ANKS1B: variants seen among roughly 807,000 people sequenced by gnomAD.
ANKS1B encodes ankyrin repeat and sterile alpha motif domain-containing protein 1B.
A neutral mutation model predicts 148.3 loss-of-function variants in ANKS1B; 36 were observed. That is an observed-to-expected ratio of 0.24 (90% confidence interval 0.19 to 0.32). The LOEUF (loss-of-function observed/expected upper bound fraction) is 0.32. Ranked by LOEUF, ANKS1B falls within the 10% of genes least tolerant of loss-of-function variation. The pLI, the probability that ANKS1B is intolerant of heterozygous loss-of-function variation, is 1.00. For synonymous variants in ANKS1B, 542 were observed against 560.8 expected, an observed-to-expected ratio of 0.97 and a Z score of 0.47; for missense variants, 1,157 against 1,542.6, an observed-to-expected ratio of 0.75 and a Z score of 4.19.
chr12:99,968,732 G>A (rs1379731871), intron 1 of ANKS1B, among the ~76,000 whole-genome samples: 1 of 152,178 alleles, frequency 6.6e-6, no homozygotes, highest in African/African-American at 2.4e-5. Flanking sequence ...GGGTCTGGTG[G>A]GAGGTGCTTG....
chr12:98,855,138 C>T (rs1482324032), intron 17 of ANKS1B, among the ~76,000 whole-genome samples: 2 of 149,824 alleles, frequency 1.3e-5, no homozygotes, highest in Non-Finnish European at 2.9e-5. Context: ...CGCAGTCCGA[C>T]CTGGGCGACA....
chr12:99,780,118 TACACACACACATGCGC>T, intron 5 of ANKS1B, 146 bp from the exon 6 acceptor site: 2 of 614,820 alleles, frequency 3.3e-6, no homozygotes, highest in South Asian at 1.9e-5. Context: ...CACACACACA[TACACACACACATGCGC>T]ACACACACAC....
At chr12:99,087,839 G>A (rs2052474295) in intron 15 of ANKS1B, among the ~76,000 whole-genome samples, 1 of 152,120 alleles carries the variant, frequency 6.6e-6, no homozygotes, top group Non-Finnish European at 1.5e-5. Flanking sequence ...CTGACAACTG[G>A]ATTTCAGTGT....
chr12:99,458,608 G>T (rs546823387), intron 10 of ANKS1B, among the ~76,000 whole-genome samples: 1 of 151,860 alleles, frequency 6.6e-6, no homozygotes, highest in East Asian at 1.9e-4. Context: ...AAATACAAAA[G>T]ACCATTTAAG....
chr12:99,556,184 T>C (rs2097274146), intron 9 of ANKS1B, among the ~76,000 whole-genome samples: 1 of 152,214 alleles, frequency 6.6e-6, no homozygotes, highest in Non-Finnish European at 1.5e-5. Flanking sequence ...CAGGAATTTA[T>C]CCATTTCTTC....
intron 1 of ANKS1B, among the ~76,000 whole-genome samples, chr12:99,869,235 T>C (rs2091164736): frequency 6.6e-6 from 1 of 151,936 alleles, no homozygotes; most frequent in South Asian, 2.1e-4. Context: ...AAAATTAATA[T>C]AAAAAAATCA....
At chr12:99,096,071 AC>A (rs2055997811) in intron 15 of ANKS1B, among the ~76,000 whole-genome samples, 1 of 152,206 alleles carries the variant, frequency 6.6e-6, no homozygotes, top group Non-Finnish European at 1.5e-5. Context: ...TTTTACATAA[AC>A]CTGGTATTCT....
At chr12:98,920,069 G>A (rs920626944) in intron 17 of ANKS1B, among the ~76,000 whole-genome samples, 1 of 152,192 alleles carries the variant, frequency 6.6e-6, no homozygotes, top group Non-Finnish European at 1.5e-5. Context: ...AACTCTGGAG[G>A]CCAGATATTC....
intron 9 of ANKS1B, among the ~76,000 whole-genome samples, chr12:99,601,446 A>T (rs1204808689): frequency 2.0e-5 from 3 of 152,130 alleles, no homozygotes; most frequent in Non-Finnish European, 4.4e-5. Context: ...TTTTCAAAGT[A>T]TCTGATTATT....
At position 99,560,385 on chromosome 12, in the gene ANKS1B, AT is replaced by A. The variant is rs1260999490; in HGVS notation, c.1273-55745del. Among the ~76,000 whole-genome samples, 16 of 144,980 alleles carry A rather than the reference AT, an allele frequency of 1.1e-4. No homozygotes were observed. In the South Asian group the frequency reaches 2.6e-3, roughly 24 times the overall value. On this transcript the variant is annotated intron_variant, in intron 9 of 26. Coordinates refer to ENST00000683438, the MANE Select transcript of ANKS1B (RefSeq NM_001352186.2). ...TCAAAGTACAATACAGTTTTCTATG[AT>A]TTTTTTTAAGAAAAAAAAAATCCAA...
chr12:99,150,855 G>T (rs2074671320), intron 15 of ANKS1B, among the ~76,000 whole-genome samples: 1 of 151,916 alleles, frequency 6.6e-6, no homozygotes, highest in Non-Finnish European at 1.5e-5. Context: ...AAGCAGGAGG[G>T]AGGTGATGAT....
At chr12:99,471,144 C>A (rs1213716341) in intron 10 of ANKS1B, among the ~76,000 whole-genome samples, 1 of 152,010 alleles carries the variant, frequency 6.6e-6, no homozygotes, top group Non-Finnish European at 1.5e-5. Flanking sequence ...AAGCATCTTT[C>A]CTCTTTTTTT....
At chr12:99,944,629 T>C (rs1814216321) in intron 1 of ANKS1B, among the ~76,000 whole-genome samples, 1 of 152,100 alleles carries the variant, frequency 6.6e-6, no homozygotes, top group South Asian at 2.1e-4. Context: ...CTTCCAGGCA[T>C]GAGGGGATTT....
At chr12:99,776,272 T>C (rs910477799) in intron 6 of ANKS1B, among the ~76,000 whole-genome samples, 1 of 152,214 alleles carries the variant, frequency 6.6e-6, no homozygotes, top group Non-Finnish European at 1.5e-5. Context: ...AGATATAATA[T>C]TAGGAATAGC....
chr12:99,304,819 G>A (rs2082134101), intron 12 of ANKS1B, among the ~76,000 whole-genome samples: 1 of 152,008 alleles, frequency 6.6e-6, no homozygotes, highest in South Asian at 2.1e-4. Flanking sequence ...GAATTTGGTA[G>A]GAAGTCATCC....
At chr12:99,724,052 CAA>C in intron 8 of ANKS1B, among the ~76,000 whole-genome samples, 1 of 143,802 alleles carries the variant, frequency 7.0e-6, no homozygotes, top group South Asian at 2.2e-4. Context: ...AAAGGATCAA[CAA>C]AAAAAAAAAC....
chr12:99,085,101 G>A (rs997857009), intron 15 of ANKS1B, 78 bp from the exon 16 acceptor site: 2 of 1,239,434 alleles, frequency 1.6e-6, no homozygotes, highest in African/African-American at 1.5e-5. Context: ...ATTTAATACA[G>A]AGAAAACCAG....
At chr12:99,423,541 T>A (rs890458214) in intron 11 of ANKS1B, among the ~76,000 whole-genome samples, 1 of 152,192 alleles carries the variant, frequency 6.6e-6, no homozygotes, top group African/African-American at 2.4e-5. Flanking sequence ...ACTTGCACGT[T>A]CACTGCAGCA....
chr12:99,322,492 AAG>A (rs1316736206), intron 12 of ANKS1B, among the ~76,000 whole-genome samples: 5 of 151,756 alleles, frequency 3.3e-5, no homozygotes, highest in Admixed American at 1.3e-4. Context: ...AAAAAAAAAA[AAG>A]AAAAAGAAAA....
Sources: gnomAD v4.1 joint callset for allele counts (sites outside exome capture counted in the v4.1 genomes callset) on GRCh38, gnomAD v4.1.1 for gene constraint, MANE v1.5 for transcripts, NCBI Gene and HGNC (gene_info 2026-07-23, HGNC 2026-07-21) for gene names.